Variants in SDK1 observed in about 807,000 individuals in gnomAD.
SDK1 encodes protein sidekick-1.
Under a neutral mutation model 245.5 loss-of-function variants are expected in SDK1, and 157 were observed. The observed-to-expected ratio is 0.64, with a 90% CI of 0.56 to 0.73. SDK1 has a LOEUF of 0.73. SDK1 is among the 30% of genes least tolerant of loss of function. The probability of loss-of-function intolerance (pLI) is 0.00; values close to 1 mark genes in which losing one functional copy is unlikely to be tolerated. For missense variants in SDK1, 3,583 were observed against 3,002.3 expected (o/e 1.19, Z -4.52); for synonymous variants, 1,647 against 1,278.5 (o/e 1.29, Z -6.15).
chr7:3,615,412 C>G (rs951867697), intron 1 of SDK1, among the ~76,000 whole-genome samples: 4 of 151,670 alleles, frequency 2.6e-5, no homozygotes, highest in African/African-American at 9.7e-5. Flanking sequence ...TAACGCATGT[C>G]AGTTGCAGCA....
At chr7:3,340,890 T>C (rs1442108120) in intron 1 of SDK1, among the ~76,000 whole-genome samples, 2 of 151,402 alleles carry the variant, frequency 1.3e-5, no homozygotes, top group South Asian at 4.2e-4. Flanking sequence ...AAAGAAAAAA[T>C]CTCTGGGTCC....
At chr7:3,401,117 G>A (rs914041583) in intron 1 of SDK1, among the ~76,000 whole-genome samples, 1 of 152,178 alleles carries the variant, frequency 6.6e-6, no homozygotes, top group Non-Finnish European at 1.5e-5. Context: ...GATACATAGG[G>A]AGCTGTCATT....
intron 7 of SDK1, 114 bp downstream of exon 7, chr7:3,952,034 T>C (rs936778657): frequency 1.0e-6 from 1 of 968,610 alleles, no homozygotes; most frequent in Admixed American, 2.9e-5. Context: ...ACTCGGCAAA[T>C]GAAGGTGAGG....
At position 4,236,889 on chromosome 7, in the gene SDK1, C is replaced by G. The variant is rs192041799; in HGVS notation, c.5993-758C>G. ...TTTGTTCCATCCTCACTTTAACCCA[C>G]ACAACGTTTTTGTTTGCTGCCTTGC... On this transcript the variant is annotated intron_variant, in intron 41 of 44. Transcript: ENST00000404826. 3.6e-3 allele frequency among the ~76,000 whole-genome samples: 555 copies of G among 152,228 alleles called. 4 individuals carry two copies. The highest frequency in any genetic ancestry group is 0.013 in the African/African-American group (532 of 41,544).
chr7:3,839,186 C>T (rs1409912938), intron 5 of SDK1, among the ~76,000 whole-genome samples: 1 of 152,168 alleles, frequency 6.6e-6, no homozygotes, highest in Non-Finnish European at 1.5e-5. Context: ...TTTCTCCCTC[C>T]TTGCAAGGGA....
At position 4,265,392 on chromosome 7, in the gene SDK1, G is replaced by A. The variant is rs778983680; in HGVS notation, c.*8G>A. Reference sequence around the variant, plus strand: ...TTCTCCTCCTTCGTGTGAGCAAAGCGCCGCGCCTCCCTCAGGGCGGAACGG... The same window carrying A: ...TTCTCCTCCTTCGTGTGAGCAAAGCACCGCGCCTCCCTCAGGGCGGAACGG... On this transcript the variant is annotated 3_prime_UTR_variant, in exon 45 of 45. Coordinates refer to ENST00000404826, the MANE Select transcript of SDK1 (RefSeq NM_152744.4). The A allele has an allele frequency of 8.4e-6, 12 of 1,424,948 alleles. No individual in the cohort carries two copies. The East Asian group carries it at 2.9e-4, about 35-fold the overall frequency. The allele number at this position is 1,424,948 out of a possible 1,614,324, so 88.3% of individuals were successfully genotyped here. A position where few individuals can be genotyped will look rare whatever the true frequency, so the allele number is the denominator to read the frequency against.
chr7:4,149,581 G>A (rs1187399917), intron 30 of SDK1, 118 bp downstream of exon 30: 27 of 619,038 alleles, frequency 4.4e-5, no homozygotes, highest in Non-Finnish European at 6.6e-5. Flanking sequence ...TGAGAGCACA[G>A]GCCCCCTTTC....
At chr7:3,585,374 T>G (rs765442806) in intron 1 of SDK1, among the ~76,000 whole-genome samples, 10 of 152,208 alleles carry the variant, frequency 6.6e-5, no homozygotes, top group Non-Finnish European at 1.5e-4. Flanking sequence ...GTAATGGATT[T>G]AAGAGTAGGT....
intron 5 of SDK1, among the ~76,000 whole-genome samples, chr7:3,850,690 C>A (rs973200099): frequency 6.6e-6 from 1 of 152,128 alleles, no homozygotes; most frequent in Admixed American, 6.5e-5. Flanking sequence ...AAAAAGGATG[C>A]GTTCATGTCT....
chr7:3,775,027 CTGATCGA>C (rs1215183907), intron 4 of SDK1, among the ~76,000 whole-genome samples: 2 of 152,162 alleles, frequency 1.3e-5, no homozygotes, highest in Non-Finnish European at 2.9e-5. Context: ...GTGCTCGGCG[CTGATCGA>C]TGGCAGGGTC....
At chr7:4,225,718 G>A (rs1785400208) in intron 40 of SDK1, among the ~76,000 whole-genome samples, 1 of 152,130 alleles carries the variant, frequency 6.6e-6, no homozygotes, top group Admixed American at 6.5e-5. Context: ...GCCTAACATG[G>A]AGAAGCTTCT....
At chr7:3,397,480 T>C (rs528309488) in intron 1 of SDK1, among the ~76,000 whole-genome samples, 165 of 150,166 alleles carry the variant, frequency 1.1e-3, no homozygotes, top group South Asian at 7.6e-3. Flanking sequence ...GTCTTTTCTT[T>C]CCCCCCCCCA....
intron 1 of SDK1, among the ~76,000 whole-genome samples, chr7:3,447,089 T>C (rs1473874541): frequency 2.0e-5 from 3 of 152,308 alleles, no homozygotes; most frequent in Admixed American, 2.0e-4. Context: ...TTAAAATCTC[T>C]GAAGATGCAG....
chr7:4,199,361 G>T (rs1783760688), intron 35 of SDK1, among the ~76,000 whole-genome samples: 1 of 152,164 alleles, frequency 6.6e-6, no homozygotes, highest in Admixed American at 6.5e-5. Flanking sequence ...TTTTAACTTT[G>T]TTTATCATAA....
At chr7:3,594,495 G>C (rs1780988111) in intron 1 of SDK1, among the ~76,000 whole-genome samples, 1 of 152,128 alleles carries the variant, frequency 6.6e-6, no homozygotes, top group South Asian at 2.1e-4. Context: ...GGGTCGTATG[G>C]TAACTTGATA....
intron 1 of SDK1, chr7:3,338,054 A>C (rs1002789730): frequency 5.8e-6 from 1 of 173,132 alleles, no homozygotes; most frequent in Non-Finnish European, 1.2e-5. Flanking sequence ...CCGCGGAAAT[A>C]TTTAAGACAT....
chr7:3,996,130 C>G (rs1784680461), intron 14 of SDK1, among the ~76,000 whole-genome samples: 1 of 152,028 alleles, frequency 6.6e-6, no homozygotes, highest in Non-Finnish European at 1.5e-5. Flanking sequence ...TTCAAATGAT[C>G]CATTTTCCCA....
At position 4,268,288 on chromosome 7, in the gene SDK1, C is replaced by T; in HGVS notation, c.*2904C>T. On this transcript the variant is annotated 3_prime_UTR_variant, in exon 45 of 45. Transcript: ENST00000404826. ...CCACAGGGATGGGTGTGCAGAGCTC[C>T]CTCCTCCTGGGGTGCCAGGGCAGAG... 2 of 1,024,828 alleles carry T rather than the reference C, an allele frequency of 2.0e-6. No homozygotes were observed. Among genetic ancestry groups the T allele is most frequent in the Non-Finnish European group, 2.3e-6 (2 of 853,394 alleles). 63.5% of individuals were successfully genotyped at this position (1,024,828 alleles called of 1,614,324 possible).
At chr7:3,301,956 G>C (rs1779277225) in intron 1 of SDK1, 72 bp downstream of exon 1, 1 of 1,036,510 alleles carries the variant, frequency 9.6e-7, no homozygotes, top group African/African-American at 1.7e-5. Context: ...AGCAGCGAGA[G>C]TGTGTCCGGG....
Sources: gnomAD v4.1 joint callset for allele counts (sites outside exome capture counted in the v4.1 genomes callset) on GRCh38, gnomAD v4.1.1 for gene constraint, MANE v1.5 for transcripts, NCBI Gene and HGNC (gene_info 2026-07-23, HGNC 2026-07-21) for gene names.